The following TRIM24 variants were observed in gnomAD, a reference collection of about 807,000 sequenced individuals.
TRIM24 encodes tripartite motif containing 24.
Under a neutral mutation model 123.9 loss-of-function variants are expected in TRIM24, and 29 were observed. That is an observed-to-expected ratio of 0.23 (90% CI 0.17 to 0.32). TRIM24 has a LOEUF of 0.32. TRIM24 is among the 10% of genes least tolerant of loss of function. TRIM24 has a pLI of 1.00. For missense variants in TRIM24, 932 were observed against 1,295.3 expected, an observed-to-expected ratio of 0.72 and a Z score of 4.31; for synonymous variants, 456 against 461.1, an observed-to-expected ratio of 0.99 and a Z score of 0.14.
chr7:138,562,878 C>G (rs1194935085), intron 9 of TRIM24, among the ~76,000 whole-genome samples: 3 of 152,130 alleles, frequency 2.0e-5, no homozygotes, highest in African/African-American at 7.2e-5. Context: ...CCCCTTGTAG[C>G]CCAAAAGCAA....
Position 138,564,747 on chromosome 7 carries a change from C to T in TRIM24, c.1531-2734C>T, listed in dbSNP as rs140533430. 4.4e-3 allele frequency among the ~76,000 whole-genome samples: 666 copies of T among 152,258 alleles called. 6 individuals are homozygous for T. Among genetic ancestry groups the T allele is most frequent in the African/African-American group, 0.015 (640 of 41,538 alleles). ...TCTGTGGTTCCTTTGGCTGGCCATCCGACACTAAAAGAGGGCCATTCTATT... is the reference window on the plus strand; with the variant it reads ...TCTGTGGTTCCTTTGGCTGGCCATCTGACACTAAAAGAGGGCCATTCTATT... On this transcript the variant is annotated intron_variant, in intron 9 of 18. Coordinates refer to ENST00000343526, the MANE Select transcript of TRIM24 (RefSeq NM_015905.3).
chr7:138,512,322 T>A (rs74741207), intron 2 of TRIM24, among the ~76,000 whole-genome samples: 3,246 of 152,284 alleles, frequency 0.021, 94 homozygotes, highest in African/African-American at 0.071. Flanking sequence ...GGACAGTGGC[T>A]TTCTTCTCAC....
Position 138,579,186 on chromosome 7 carries a change from AT to A in TRIM24, c.2257-10del, listed in dbSNP as rs747780614. On this transcript the variant is annotated splice_polypyrimidine_tract_variant and intron_variant, in intron 14 of 18. Coordinates refer to ENST00000343526, the MANE Select transcript of TRIM24 (RefSeq NM_015905.3). ...ATTTTTTTTAAAGCCAGTTAAATATATTTTTTTTCTACTACAGGCCAATTAT... is the reference window on the plus strand; with the variant it reads ...ATTTTTTTTAAAGCCAGTTAAATATATTTTTTTCTACTACAGGCCAATTAT... 1.2e-5 allele frequency: 18 copies of A among 1,534,094 alleles called. No homozygotes were observed. Among genetic ancestry groups the A allele is most frequent in the East Asian group, 6.8e-5 (3 of 44,172 alleles).
rs971850689 is a variant in TRIM24 at position 138,460,473 on chromosome 7, G to A, written c.-76G>A. 6 of 1,204,368 alleles carry A rather than the reference G, an allele frequency of 5.0e-6. No homozygotes were observed. In the African/African-American group the frequency reaches 7.9e-5, roughly 16 times the overall value. 74.6% of individuals were successfully genotyped at this position (1,204,368 alleles called of 1,614,324 possible). ...GAGCGGCCTCTGAGGAGCAGCCGCA[G>A]GAGGAGGAGGAGGTCGTCGGGGGCG... On this transcript the variant is annotated 5_prime_UTR_variant, in exon 1 of 19. Transcript: ENST00000343526.
chr7:138,532,036 T>C (rs1198107069), intron 6 of TRIM24, among the ~76,000 whole-genome samples: 1 of 152,196 alleles, frequency 6.6e-6, no homozygotes, highest in East Asian at 1.9e-4. Flanking sequence ...TCTGTTCATA[T>C]CCTTTGCCCA....
chr7:138,550,709 C>G (rs2116629515), intron 7 of TRIM24, among the ~76,000 whole-genome samples: 1 of 152,122 alleles, frequency 6.6e-6, no homozygotes, highest in African/African-American at 2.4e-5. Flanking sequence ...CTCATTAGCC[C>G]CTAGTCTTCT....
At chr7:138,553,147 T>A (rs1488126400) in intron 8 of TRIM24, among the ~76,000 whole-genome samples, 1 of 152,224 alleles carries the variant, frequency 6.6e-6, no homozygotes, top group Non-Finnish European at 1.5e-5. Context: ...TATATTTTAC[T>A]GTAGGATTTC....
rs147578029 is a variant in TRIM24 at position 138,493,678 on chromosome 7, A to G, written c.365-10612A>G. 2.6e-3 allele frequency among the ~76,000 whole-genome samples: 393 copies of G among 152,270 alleles called. 4 individuals carry two copies. Among genetic ancestry groups the G allele is most frequent in the Non-Finnish European group, 4.6e-3 (311 of 68,016 alleles). On this transcript the variant is annotated intron_variant, in intron 1 of 18. Transcript: ENST00000343526. ...CCTCAGGGAACTGCCATACCAATTAAATCACACTCCAGCATTTTAGAGCAC... is the reference window on the plus strand; with the variant it reads ...CCTCAGGGAACTGCCATACCAATTAGATCACACTCCAGCATTTTAGAGCAC...
chr7:138,560,511 A>G (rs1797404074), intron 9 of TRIM24, among the ~76,000 whole-genome samples: 1 of 152,052 alleles, frequency 6.6e-6, no homozygotes, highest in Non-Finnish European at 1.5e-5. Flanking sequence ...TGTGGCTCCT[A>G]TTTACTGTAT....
intron 3 of TRIM24, 71 bp from the exon 4 acceptor site, chr7:138,519,118 G>A: frequency 6.4e-7 from 1 of 1,568,436 alleles, no homozygotes; most frequent in Admixed American, 1.7e-5. Flanking sequence ...GAATTCAAAT[G>A]AGCAATCTAA....
At chr7:138,512,445 G>C (rs918028148) in intron 2 of TRIM24, among the ~76,000 whole-genome samples, 5 of 152,110 alleles carry the variant, frequency 3.3e-5, no homozygotes, top group Non-Finnish European at 7.3e-5. Context: ...CCTGCAGCAG[G>C]CTTCTGCTTG....
At chr7:138,573,674 GTT>G in intron 12 of TRIM24, 32 bp downstream of exon 12, 1 of 1,580,904 alleles carries the variant, frequency 6.3e-7, no homozygotes, top group Non-Finnish European at 8.6e-7. Context: ...TTTTGTGAAA[GTT>G]TTTCTAGTTT....
intron 1 of TRIM24, among the ~76,000 whole-genome samples, chr7:138,492,452 A>G (rs1021608607): frequency 8.5e-5 from 13 of 152,108 alleles, no homozygotes; most frequent in African/African-American, 3.1e-4. Context: ...CGTCTTGATA[A>G]TGTCCTTTGA....
chr7:138,465,719 TGTCA>T (rs1472513887), intron 1 of TRIM24, among the ~76,000 whole-genome samples: 1 of 152,196 alleles, frequency 6.6e-6, no homozygotes, highest in South Asian at 2.1e-4. Context: ...CTGTGTTACC[TGTCA>T]GTCCTATATA....
intron 14 of TRIM24, among the ~76,000 whole-genome samples, chr7:138,578,346 A>G (rs142391548): frequency 1.0e-3 from 156 of 152,354 alleles, no homozygotes; most frequent in African/African-American, 3.6e-3. Context: ...CAATCAGGAT[A>G]TAACCTGAAT....
At chr7:138,551,650 G>A (rs1797215691) in intron 8 of TRIM24, among the ~76,000 whole-genome samples, 1 of 152,176 alleles carries the variant, frequency 6.6e-6, no homozygotes, top group Admixed American at 6.5e-5. Flanking sequence ...TAGACTTAGG[G>A]ATTTAGGTGT....
chr7:138,491,839 A>C (rs887532502), intron 1 of TRIM24, among the ~76,000 whole-genome samples: 7 of 152,080 alleles, frequency 4.6e-5, no homozygotes, highest in Non-Finnish European at 1.0e-4. Flanking sequence ...TATTTATTTA[A>C]TTTTTTGGAT....
intron 2 of TRIM24, among the ~76,000 whole-genome samples, chr7:138,510,581 C>G (rs1192439889): frequency 2.0e-5 from 3 of 152,102 alleles, no homozygotes; most frequent in Non-Finnish European, 4.4e-5. Flanking sequence ...ACTGCCACAT[C>G]TGGCTAATTT....
intron 1 of TRIM24, among the ~76,000 whole-genome samples, chr7:138,500,300 T>C (rs568541412): frequency 1.3e-5 from 2 of 152,118 alleles, no homozygotes; most frequent in African/African-American, 4.8e-5. Context: ...TGGGTTATGC[T>C]TGTAATCCCA....
Sources: allele counts gnomAD v4.1 joint callset (sites outside exome capture counted in the v4.1 genomes callset), GRCh38; gene constraint gnomAD v4.1.1; transcripts MANE v1.5; gene names NCBI Gene and HGNC (gene_info 2026-07-23, HGNC 2026-07-21).